Variants in NPR3 observed in about 807,000 individuals in gnomAD.
The protein encoded by NPR3 is atrial natriuretic peptide receptor 3.
NPR3 carries 34 observed loss-of-function variants against 54.5 expected under a neutral mutation model. The observed-to-expected ratio is 0.62, with a 90% CI of 0.47 to 0.83. The LOEUF is 0.83. Among genes scored for constraint, NPR3 ranks in the 40% least tolerant of loss-of-function variants. The pLI is 0.00. For synonymous variants in NPR3, 289 were observed against 297.1 expected (o/e 0.97, Z 0.28); for missense variants, 674 against 720.8 (o/e 0.94, Z 0.74).
At chr5:32,772,585 T>C (rs13359080) in intron 3 of NPR3, among the ~76,000 whole-genome samples, 54,239 of 152,084 alleles carry the variant, frequency 0.36, 10,098 homozygotes, top group African/African-American at 0.47. Context: ...TCTCTCCTAC[T>C]GAGTGTAAAA....
intron 3 of NPR3, among the ~76,000 whole-genome samples, chr5:32,746,148 C>A (rs1348707631): frequency 6.6e-6 from 1 of 152,170 alleles, no homozygotes; most frequent in Admixed American, 6.5e-5. Context: ...TCCATGTTTC[C>A]AGAGAATCGA....
At chr5:32,714,841 A>G (rs1161254664) in intron 1 of NPR3, among the ~76,000 whole-genome samples, 1 of 152,202 alleles carries the variant, frequency 6.6e-6, no homozygotes, top group East Asian at 1.9e-4. Context: ...GCTTCGGTAC[A>G]TGATTGCAGT....
At chr5:32,694,959 T>G (rs1225747114) in intron 1 of NPR3, among the ~76,000 whole-genome samples, 1 of 152,226 alleles carries the variant, frequency 6.6e-6, no homozygotes. Flanking sequence ...TATATTAAGT[T>G]TGTCTTTCCG....
intron 1 of NPR3, among the ~76,000 whole-genome samples, chr5:32,717,116 T>A (rs904593036): frequency 3.3e-5 from 5 of 151,814 alleles, no homozygotes; most frequent in Non-Finnish European, 5.9e-5. Context: ...TGGTTTTCTG[T>A]CCTTGCGATA....
intron 4 of NPR3, among the ~76,000 whole-genome samples, chr5:32,780,116 C>T (rs562885078): frequency 1.3e-5 from 2 of 152,330 alleles, no homozygotes; most frequent in East Asian, 3.9e-4. Flanking sequence ...TTTGCCTCAG[C>T]TGCAGCACTA....
chr5:32,782,992 A>AC lies in NPR3; in HGVS notation c.1390_1391insC (p.Ile464ThrfsTer50). ...AAAACTGAGAATAGATGAAAACCGA[A>AC]TTGTAGAGCATACAAACAGCTCTCC... On this transcript the variant is annotated frameshift_variant, in exon 6 of 8. Transcript: ENST00000265074. LOFTEE classifies it high-confidence loss of function. 4.4e-6 allele frequency: 7 copies of AC among 1,605,934 alleles called. No homozygotes were observed. The highest frequency in any genetic ancestry group is 6.0e-6 in the Non-Finnish European group (7 of 1,175,520).
intron 1 of NPR3, among the ~76,000 whole-genome samples, chr5:32,719,969 T>C (rs1277659068): frequency 1.3e-5 from 2 of 152,192 alleles, no homozygotes; most frequent in Non-Finnish European, 2.9e-5. Flanking sequence ...GGAAGATGGG[T>C]ACAGTAACCA....
chr5:32,761,962 G>T (rs112742596), intron 3 of NPR3, among the ~76,000 whole-genome samples: 1,682 of 151,868 alleles, frequency 0.011, 38 homozygotes, highest in African/African-American at 0.039. Flanking sequence ...CCCCCAACAG[G>T]CCCCGGTGTG....
chr5:32,788,336 A>C lies in NPR3; in HGVS notation c.*1991A>C, dbSNP rs1424262529. 1 of 152,270 alleles carries C rather than the reference A, an allele frequency of 6.6e-6. No homozygotes were observed. Among genetic ancestry groups the C allele is most frequent in the African/African-American group, 2.4e-5 (1 of 41,476 alleles). 9.4% of individuals were successfully genotyped at this position (152,270 alleles called of 1,614,324 possible). A position where few individuals can be genotyped will look rare whatever the true frequency, so the allele number is the denominator to read the frequency against. ...AGTTCTAGTGCAGGAAGAGAGTTTG[A>C]GAAGTAAAATCCAGGCAAGCAAAGC... On this transcript the variant is annotated 3_prime_UTR_variant, in exon 8 of 8. Transcript: ENST00000265074.
intron 1 of NPR3, among the ~76,000 whole-genome samples, chr5:32,693,350 A>T (rs4867471): frequency 0.34 from 51,973 of 151,852 alleles, 9,200 homozygotes; most frequent in Middle Eastern, 0.46. Flanking sequence ...AATTCTGTAA[A>T]CTTTGCATTC....
intron 2 of NPR3, among the ~76,000 whole-genome samples, chr5:32,738,141 C>CT (rs1561098423): frequency 6.6e-6 from 1 of 152,198 alleles, no homozygotes; most frequent in Non-Finnish European, 1.5e-5. Context: ...CACTAACTTT[C>CT]TTTTTTTAAA....
intron 2 of NPR3, among the ~76,000 whole-genome samples, chr5:32,736,244 A>AG (rs1376281455): frequency 1.3e-5 from 2 of 148,388 alleles, no homozygotes; most frequent in Admixed American, 6.7e-5. Flanking sequence ...AAAAAAAAAA[A>AG]AAAAGAAAAA....
chr5:32,711,629 G>A lies in NPR3; in HGVS notation c.-148G>A. On this transcript the variant is annotated 5_prime_UTR_variant, in exon 1 of 8. Transcript: ENST00000265074. ...GGACGCTTCCTCTCTATCTTTTGGCGCATTAGTGAAGGGGGTATTCTATTT... is the reference window on the plus strand; with the variant it reads ...GGACGCTTCCTCTCTATCTTTTGGCACATTAGTGAAGGGGGTATTCTATTT... 1 of 1,253,278 alleles carries A rather than the reference G, an allele frequency of 8.0e-7. No individual in the cohort carries two copies. The highest frequency in any genetic ancestry group is 4.1e-5 in the Admixed American group (1 of 24,674). The allele number at this position is 1,253,278 out of a possible 1,614,324, so 77.6% of individuals were successfully genotyped here.
At chr5:32,704,370 T>TTGTG (rs57959913) in intron 1 of NPR3, among the ~76,000 whole-genome samples, 5,520 of 146,832 alleles carry the variant, frequency 0.038, 124 homozygotes, top group African/African-American at 0.06. Context: ...TTTTGGCTCT[T>TTGTG]TGTGTGTGTG....
At chr5:32,785,845 G>A (rs968957253) in intron 7 of NPR3, among the ~76,000 whole-genome samples, 1 of 152,226 alleles carries the variant, frequency 6.6e-6, no homozygotes, top group Non-Finnish European at 1.5e-5. Context: ...GCATGGGATT[G>A]TAACTAGGCA....
At chr5:32,765,469 G>T (rs912081508) in intron 3 of NPR3, among the ~76,000 whole-genome samples, 3 of 152,214 alleles carry the variant, frequency 2.0e-5, no homozygotes, top group Non-Finnish European at 4.4e-5. Flanking sequence ...GGGCAGGCAC[G>T]ATGACAGTGG....
At chr5:32,745,888 G>A (rs1476284451) in intron 3 of NPR3, among the ~76,000 whole-genome samples, 1 of 152,140 alleles carries the variant, frequency 6.6e-6, no homozygotes, top group South Asian at 2.1e-4. Flanking sequence ...AAATATGAAT[G>A]TGAGTCTGAT....
At chr5:32,761,821 C>T (rs1182522725) in intron 3 of NPR3, among the ~76,000 whole-genome samples, 4 of 146,150 alleles carry the variant, frequency 2.7e-5, no homozygotes, top group African/African-American at 7.6e-5. Flanking sequence ...ACTTTAAGTT[C>T]TGGGATACAT....
At position 32,756,871 on chromosome 5, in the gene NPR3, C is replaced by T. The variant is rs538238812; in HGVS notation, c.1060-17837C>T. 4.6e-5 allele frequency among the ~76,000 whole-genome samples: 7 copies of T among 152,260 alleles called. No homozygotes were observed. In the South Asian group the frequency reaches 1.5e-3, roughly 32 times the overall value. On this transcript the variant is annotated intron_variant, in intron 3 of 7. Transcript: ENST00000265074. ...TTTATTAAATAGGGAATCCTTTCCC[C>T]ATTTCTTGTTTTTGTCAGGGTTGTC... is the stretch of plus-strand genomic sequence containing the variant.
Sources: gnomAD v4.1 joint callset for allele counts (sites outside exome capture counted in the v4.1 genomes callset) on GRCh38, gnomAD v4.1.1 for gene constraint, MANE v1.5 for transcripts, NCBI Gene and HGNC (gene_info 2026-07-23, HGNC 2026-07-21) for gene names.